BCLAF3: variants seen among roughly 807,000 people sequenced by gnomAD.
BCLAF3 encodes transient octamer binding factor 1.
Under a neutral mutation model 51.2 loss-of-function variants are expected in BCLAF3, and 24 were observed. The observed-to-expected ratio is 0.47, with a 90% CI of 0.34 to 0.66. The LOEUF (loss-of-function observed/expected upper bound fraction) is 0.66, where lower values mean the gene tolerates loss of function less well. Among genes scored for constraint, BCLAF3 ranks in the 30% least tolerant of loss-of-function variants. The pLI is 0.01. For missense variants in BCLAF3, 465 were observed against 525.1 expected (o/e 0.89, Z 1.12); for synonymous variants, 152 against 176.6 (o/e 0.86, Z 1.10).
chrX:19,918,534 CTTTTTTTTTTTT>C (rs749600263), intron 11 of BCLAF3, among the ~76,000 whole-genome samples: 4 of 55,180 alleles, frequency 7.2e-5, no homozygotes, highest in East Asian at 4.2e-4. Flanking sequence ...CCAACCCGGC[CTTTTTTTTTTTT>C]TTTTTTTTTT....
intron 4 of BCLAF3, among the ~76,000 whole-genome samples, chrX:19,956,637 A>G (rs2071676018): frequency 9.0e-6 from 1 of 111,400 alleles, no homozygotes. Flanking sequence ...CTCATTTTGG[A>G]CCCAAAATGG....
chrX:19,930,411 T>C (rs1186482413), intron 10 of BCLAF3: 1 of 112,688 alleles, frequency 8.9e-6, no homozygotes, highest in Non-Finnish European at 1.8e-5. Flanking sequence ...GCCTTATAGA[T>C]GTTAAAACAG....
intron 4 of BCLAF3, among the ~76,000 whole-genome samples, chrX:19,960,156 T>G (rs1271682405): frequency 1.8e-5 from 2 of 111,876 alleles, no homozygotes; most frequent in African/African-American, 6.5e-5. Flanking sequence ...GCTTTTATTT[T>G]TATTTTTTGC....
chrX:19,930,677 A>G, intron 10 of BCLAF3: 1 of 157,714 alleles, frequency 6.3e-6, no homozygotes, highest in Non-Finnish European at 1.3e-5. Context: ...AACAAAACAA[A>G]ACTACATCAA....
chrX:19,989,160 T>C (rs2148080244), intron 1 of BCLAF3, among the ~76,000 whole-genome samples: 1 of 109,031 alleles, frequency 9.2e-6, no homozygotes, highest in East Asian at 2.9e-4. Flanking sequence ...CTTATGTGCA[T>C]ACTCTGCCCA....
intron 11 of BCLAF3, among the ~76,000 whole-genome samples, chrX:19,926,818 A>G (rs1190790375): frequency 8.9e-6 from 1 of 111,850 alleles, no homozygotes; most frequent in East Asian, 2.8e-4. Context: ...GTCTGCTGCA[A>G]AGAAACTTGC....
At chrX:19,973,284 C>G (rs2072311400) in intron 1 of BCLAF3, among the ~76,000 whole-genome samples, 1 of 111,357 alleles carries the variant, frequency 9.0e-6, no homozygotes, top group Non-Finnish European at 1.9e-5. Flanking sequence ...ATCATACCTC[C>G]TTTCCTTTAA....
intron 8 of BCLAF3, among the ~76,000 whole-genome samples, chrX:19,942,062 G>C (rs1222763816): frequency 1.3e-5 from 1 of 78,732 alleles, no homozygotes; most frequent in African/African-American, 5.8e-5. Context: ...CTCATGATTT[G>C]GCTCTCTGTT....
rs762554984 is a variant in BCLAF3 at position 19,954,020 on chromosome X, C to T, written c.1451-128G>A. On this transcript the variant is annotated intron_variant, in intron 5 of 11. Coordinates refer to ENST00000379682, the MANE Select transcript of BCLAF3 (RefSeq NM_001367774.2). Reference sequence around the variant, plus strand: ...TGTTTTCTCTTAAAAATATGTGGGACCCAAACTTATTTCACAGACTAATTT... The same window carrying T: ...TGTTTTCTCTTAAAAATATGTGGGATCCAAACTTATTTCACAGACTAATTT... 1.0e-4 allele frequency: 107 copies of T among 1,045,287 alleles called. No homozygotes were observed. The African/African-American group carries it at 2.0e-3, about 19-fold the overall frequency. 86.1% of individuals were successfully genotyped at this position (1,045,287 alleles called of 1,213,427 possible).
At position 19,970,233 on chromosome X, in the gene BCLAF3, C is replaced by T. The variant is rs1326432373; in HGVS notation, c.32G>A (p.Trp11Ter). MARSRSRSPR[W>*]KHRSLSPVPR... ...GCTAAGAACTGCTCACCTGTGTTTC[C>T]ACCTGGGGGATCTAGATCGTGACCG... is the stretch of plus-strand genomic sequence containing the variant. The change falls in exon 2 of 12, where the codon TGG (tryptophan) becomes TAG (stop). Residue 11 changes from tryptophan (W) to a stop codon, truncating the protein, a stop_gained. Coordinates refer to ENST00000379682, the MANE Select transcript of BCLAF3 (RefSeq NM_001367774.2). LOFTEE classifies it high-confidence loss of function. 8.3e-7 allele frequency: 1 copy of T among 1,209,736 alleles called. No homozygotes were observed. The highest frequency in any genetic ancestry group is 1.1e-6 in the Non-Finnish European group (1 of 894,560).
At chrX:19,961,565 T>C (rs990372231) in intron 4 of BCLAF3, among the ~76,000 whole-genome samples, 1 of 112,214 alleles carries the variant, frequency 8.9e-6, no homozygotes, top group Non-Finnish European at 1.9e-5. Flanking sequence ...AACTTCTCTC[T>C]GCACTCTATG....
At chrX:19,948,162 T>A (rs754747417) in intron 8 of BCLAF3, among the ~76,000 whole-genome samples, 43 of 111,572 alleles carry the variant, frequency 3.9e-4, no homozygotes, top group Admixed American at 8.6e-4. Flanking sequence ...AAGTTAATCA[T>A]AGAGTAACCA....
intron 11 of BCLAF3, 40 bp from the exon 12 acceptor site, chrX:19,917,374 A>G (rs2069965514): frequency 9.1e-7 from 1 of 1,093,351 alleles, no homozygotes; most frequent in South Asian, 2.0e-5. Flanking sequence ...CTTCAAACAA[A>G]GTGTCAAACA....
intron 8 of BCLAF3, among the ~76,000 whole-genome samples, chrX:19,947,793 A>G (rs2071359516): frequency 8.9e-6 from 1 of 112,619 alleles, no homozygotes; most frequent in South Asian, 3.7e-4. Context: ...GAGCAAACAC[A>G]GACAGAAAGG....
chrX:19,948,528 G>A (rs1418813540), intron 8 of BCLAF3, among the ~76,000 whole-genome samples: 10 of 110,662 alleles, frequency 9.0e-5, no homozygotes, highest in Non-Finnish European at 1.7e-4. Flanking sequence ...CACTTTGGGA[G>A]ACTGAGTCGG....
rs181833523 is a variant in BCLAF3 at position 19,924,414 on chromosome X, T to C, written c.2106+5371A>G. Among the ~76,000 whole-genome samples the C allele has an allele frequency of 6.0e-4, 67 of 111,861 alleles. No individual in the cohort carries two copies. In the East Asian group the frequency reaches 0.017, roughly 28 times the overall value. On this transcript the variant is annotated intron_variant, in intron 11 of 11. Coordinates refer to ENST00000379682, the MANE Select transcript of BCLAF3 (RefSeq NM_001367774.2). ...ACTGGAGCCTCCAGATCCTAAGTGC[T>C]TGAAAGTGATGATGCCCTTATGCAA...
intron 1 of BCLAF3, among the ~76,000 whole-genome samples, chrX:19,974,741 G>C (rs1336169156): frequency 9.1e-6 from 1 of 109,887 alleles, no homozygotes; most frequent in Non-Finnish European, 1.9e-5. Context: ...AATTAGCCAG[G>C]CATGGTGGCG....
chrX:19,937,472 T>A lies in BCLAF3; in HGVS notation c.1806A>T (p.Lys602Asn). 5.9e-6 allele frequency: 7 copies of A among 1,181,076 alleles called. No individual in the cohort carries two copies. The highest frequency in any genetic ancestry group is 6.9e-6 in the Non-Finnish European group (6 of 871,155). ...AATTTGATTTTATAAAATGTGTGGG[T>A]TTTTGGAATCCATCAGTATGAACAT... is the stretch of plus-strand genomic sequence containing the variant. Reference protein sequence around the residue: ...VKNVHTDGFQKPTHFIKSNFR... With the variant: ...VKNVHTDGFQNPTHFIKSNFR... The change falls in exon 9 of 12, where the codon AAA becomes AAT. Residue 602 changes from lysine to asparagine, a missense_variant. By Grantham distance (94) the Lys-to-Asn change is moderately conservative. Coordinates refer to ENST00000379682, the MANE Select transcript of BCLAF3 (RefSeq NM_001367774.2).
chrX:19,914,867 C>T lies in BCLAF3; in HGVS notation c.*2438G>A, dbSNP rs762036481. ...TGAAACCAATAGGAAAGAAACATGA[C>T]GAGGGGATGCTGAATCAGAAATGTC... On this transcript the variant is annotated 3_prime_UTR_variant, in exon 12 of 12. Transcript: ENST00000379682. 3 of 111,757 alleles carry T rather than the reference C, an allele frequency of 2.7e-5. No homozygotes were observed. Among genetic ancestry groups the T allele is most frequent in the Non-Finnish European group, 5.6e-5 (3 of 53,165 alleles). 9.2% of individuals were successfully genotyped at this position (111,757 alleles called of 1,213,427 possible).
Sources: gnomAD v4.1 joint callset for allele counts (sites outside exome capture counted in the v4.1 genomes callset) on GRCh38, gnomAD v4.1.1 for gene constraint, MANE v1.5 for transcripts, NCBI Gene and HGNC (gene_info 2026-07-23, HGNC 2026-07-21) for gene names.